The following TMEM260 variants were observed in gnomAD, a reference collection of about 807,000 sequenced individuals.
TMEM260 encodes the protein transmembrane protein 260.
A neutral mutation model predicts 88.9 loss-of-function variants in TMEM260; 82 were observed. The observed-to-expected ratio is 0.92, with a 90% CI of 0.77 to 1.11. The LOEUF (loss-of-function observed/expected upper bound fraction) is 1.11. TMEM260 is among the 50% of genes least tolerant of loss of function. The pLI is 0.00. For missense variants in TMEM260, 902 were observed against 853.4 expected, an observed-to-expected ratio of 1.06 and a Z score of -0.71; for synonymous variants, 314 against 309.3, an observed-to-expected ratio of 1.02 and a Z score of -0.16.
chr14:56,591,784 C>T (rs993035624), intron 3 of TMEM260, among the ~76,000 whole-genome samples: 3 of 152,120 alleles, frequency 2.0e-5, no homozygotes, highest in Admixed American at 1.3e-4. Context: ...AAGTAAATTG[C>T]GGTTGTTCCT....
downstream of TMEM260, among the ~76,000 whole-genome samples, chr14:56,654,306 G>C (rs930590263): frequency 6.6e-6 from 1 of 152,130 alleles, no homozygotes; most frequent in African/African-American, 2.4e-5. Flanking sequence ...TTACATTCCA[G>C]CTGAATCAGC....
chr14:56,647,170 GTGTTTTTT>G, intron 15 of TMEM260, 65 bp from the exon 16 acceptor site: 1 of 1,484,772 alleles, frequency 6.7e-7, no homozygotes. Context: ...TAATTCCTCT[GTGTTTTTT>G]TGTTTTTGAA....
downstream of TMEM260, among the ~76,000 whole-genome samples, chr14:56,653,330 C>T (rs2139670498): frequency 6.6e-6 from 1 of 152,164 alleles, no homozygotes; most frequent in Admixed American, 6.5e-5. Flanking sequence ...ACATATATGT[C>T]ATATATGTGT....
chr14:56,617,172 A>G lies in TMEM260; in HGVS notation c.942-11A>G. 1 of 1,499,996 alleles carries G rather than the reference A, an allele frequency of 6.7e-7. No homozygotes were observed. 92.9% of individuals were successfully genotyped at this position (1,499,996 alleles called of 1,614,324 possible). On this transcript the variant is annotated splice_polypyrimidine_tract_variant and intron_variant, in intron 8 of 15. Transcript: ENST00000261556. The stretch of plus-strand genomic sequence containing the variant: ...TAAATATTTTAGACATATTTTTATT[A>G]TTTTTTGTAGGGACAGACAGAATCC...
chr14:56,656,112 G>A, the TMEM260 span, among the ~76,000 whole-genome samples: 5 of 152,148 alleles, frequency 3.3e-5, no homozygotes, highest in African/African-American at 9.7e-5. Context: ...GTGACTTGGA[G>A]TAAGTTTTTA....
intron 11 of TMEM260, among the ~76,000 whole-genome samples, chr14:56,624,014 T>G (rs184879749): frequency 3.9e-5 from 6 of 152,258 alleles, no homozygotes; most frequent in Admixed American, 3.9e-4. Flanking sequence ...CTAATATAAG[T>G]AAATTATTTA....
intron 1 of TMEM260, among the ~76,000 whole-genome samples, chr14:56,584,481 C>T (rs1381121493): frequency 6.6e-6 from 1 of 151,992 alleles, no homozygotes. Flanking sequence ...ACCGAAATAA[C>T]GTGGAGTTAA....
chr14:56,647,611 C>A lies in TMEM260; in HGVS notation c.*114C>A. On this transcript the variant is annotated 3_prime_UTR_variant, in exon 16 of 16. Coordinates refer to ENST00000261556, the MANE Select transcript of TMEM260 (RefSeq NM_017799.4). ...AAAAATTTAAAACTAAGTCATCTCC[C>A]AGATATAAGTATCATGGTCCAGCAG... 1.7e-6 allele frequency: 2 copies of A among 1,175,082 alleles called. No homozygotes were observed. Among genetic ancestry groups the A allele is most frequent in the Non-Finnish European group, 2.3e-6 (2 of 859,362 alleles). 72.8% of individuals were successfully genotyped at this position (1,175,082 alleles called of 1,614,324 possible).
At chr14:56,635,506 A>G (rs1888977830) in intron 14 of TMEM260, among the ~76,000 whole-genome samples, 1 of 149,582 alleles carries the variant, frequency 6.7e-6, no homozygotes, top group Non-Finnish European at 1.5e-5. Context: ...GATGGAGCCT[A>G]TACTTTCCTG....
intron 5 of TMEM260, 136 bp downstream of exon 5, chr14:56,605,819 A>G (rs887444106): frequency 1.0e-5 from 5 of 501,552 alleles, no homozygotes; most frequent in Non-Finnish European, 1.7e-5. Flanking sequence ...GGGCCTAACA[A>G]TATTGACTGA....
upstream of TMEM260, chr14:56,579,638 T>G: frequency 2.8e-6 from 1 of 363,142 alleles, no homozygotes; most frequent in Non-Finnish European, 4.9e-6. Flanking sequence ...AAGGGAATGC[T>G]CTCCTGGTGA....
chr14:56,648,030 A>G lies in TMEM260; in HGVS notation c.*533A>G, dbSNP rs1416456608. The G allele has an allele frequency of 6.6e-6, 1 of 152,148 alleles. No individual in the cohort carries two copies. Among genetic ancestry groups the G allele is most frequent in the Non-Finnish European group, 1.5e-5 (1 of 68,070 alleles). 9.4% of individuals were successfully genotyped at this position (152,148 alleles called of 1,614,324 possible). A position where few individuals can be genotyped will look rare whatever the true frequency, so the allele number is the denominator to read the frequency against. ...TCAAGCTAAACACCAAATGGGTGAT[A>G]TTTTGAAAAAAGTTTGTGTTTTACT... On this transcript the variant is annotated 3_prime_UTR_variant, in exon 16 of 16. Coordinates refer to ENST00000261556, the MANE Select transcript of TMEM260 (RefSeq NM_017799.4).
At chr14:56,616,270 T>G (rs1444515375) in intron 8 of TMEM260, 1 of 355,800 alleles carries the variant, frequency 2.8e-6, no homozygotes, top group Middle Eastern at 7.6e-4. Context: ...GTCCTAAACT[T>G]CAGGTTTGAT....
At chr14:56,660,059 C>T in the TMEM260 span, among the ~76,000 whole-genome samples, 1 of 152,172 alleles carries the variant, frequency 6.6e-6, no homozygotes, top group Admixed American at 6.5e-5. Flanking sequence ...AATTTCACGC[C>T]TTGCATTCCT....
intron 13 of TMEM260, 28 bp from the exon 14 acceptor site, chr14:56,634,871 A>G (rs779141269): frequency 6.3e-7 from 1 of 1,594,828 alleles, no homozygotes; most frequent in Admixed American, 1.8e-5. Flanking sequence ...GGTGACAGAA[A>G]GATATTACTG....
intron 12 of TMEM260, among the ~76,000 whole-genome samples, chr14:56,627,487 A>G (rs1230134581): frequency 6.6e-6 from 1 of 152,204 alleles, no homozygotes; most frequent in Non-Finnish European, 1.5e-5. Context: ...GGAGATATTT[A>G]ACATGATCTA....
intron 9 of TMEM260, among the ~76,000 whole-genome samples, chr14:56,617,936 T>TATTAC (rs1490235078): frequency 2.6e-5 from 4 of 152,164 alleles, no homozygotes; most frequent in Non-Finnish European, 5.9e-5. Context: ...AATACTGAGA[T>TATTAC]TGGAAAATGC....
intron 15 of TMEM260, among the ~76,000 whole-genome samples, 171 bp from the exon 16 acceptor site, chr14:56,647,072 A>AT (rs1381603922): frequency 6.6e-6 from 1 of 152,152 alleles, no homozygotes; most frequent in African/African-American, 2.4e-5. Flanking sequence ...CTACTGTAAT[A>AT]ATTGCAGTAA....
At chr14:56,608,997 A>G (rs1376879168) in intron 5 of TMEM260, 109 bp from the exon 6 acceptor site, 2 of 1,134,520 alleles carry the variant, frequency 1.8e-6, no homozygotes, top group Non-Finnish European at 2.6e-6. Context: ...AAATTGGGAG[A>G]TCAGCTCTGA....
Sources: gnomAD v4.1 joint callset for allele counts (sites outside exome capture counted in the v4.1 genomes callset) on GRCh38, gnomAD v4.1.1 for gene constraint, MANE v1.5 for transcripts, NCBI Gene and HGNC (gene_info 2026-07-23, HGNC 2026-07-21) for gene names.